The following PMS2 variants were observed in gnomAD, a reference collection of about 807,000 sequenced individuals.
PMS2 encodes the protein PMS1 homolog 2, mismatch repair system component.
Under a neutral mutation model 90.0 loss-of-function variants are expected in PMS2, and 69 were observed. The observed-to-expected ratio is 0.77, with a 90% CI of 0.63 to 0.94. PMS2 has a LOEUF of 0.94. Among genes scored for constraint, PMS2 ranks in the 40% least tolerant of loss-of-function variants. The pLI, the probability that PMS2 is intolerant of heterozygous loss-of-function variation, is 0.00. For synonymous variants in PMS2, 332 were observed against 375.1 expected, an observed-to-expected ratio of 0.89 and a Z score of 1.33; for missense variants, 966 against 1,040.2, an observed-to-expected ratio of 0.93 and a Z score of 0.98.
chr7:6,004,872 A>C (rs1289029501), intron 2 of PMS2, among the ~76,000 whole-genome samples: 1 of 152,144 alleles, frequency 6.6e-6, no homozygotes, highest in Non-Finnish European at 1.5e-5. Context: ...GTTATTCTGC[A>C]GATTAATAAT....
intron 2 of PMS2, 194 bp from the exon 3 acceptor site, chr7:6,004,252 T>C (rs1413212488): frequency 2.8e-5 from 14 of 493,198 alleles, no homozygotes; most frequent in Non-Finnish European, 5.1e-5. Context: ...CTAAATAGTT[T>C]AGCTTTTTCT....
At chr7:5,984,072 C>T (rs915549854) in intron 11 of PMS2, among the ~76,000 whole-genome samples, 6 of 151,894 alleles carry the variant, frequency 4.0e-5, no homozygotes, top group African/African-American at 9.7e-5. Context: ...GCACTCAAAG[C>T]TGCAACAAAT....
chr7:5,983,990 C>T lies in PMS2; in HGVS notation c.2007-999G>A, dbSNP rs139944923. 4.5e-3 allele frequency among the ~76,000 whole-genome samples: 689 copies of T among 151,928 alleles called. 39 individuals carry two copies. The highest frequency in any genetic ancestry group is 0.016 in the African/African-American group (661 of 41,216). On this transcript the variant is annotated intron_variant, in intron 11 of 14. Transcript: ENST00000265849. ...TTAATGGCCACATAGGAATTCATTG[C>T]ATGGATGTACCATAATTTGTCTGAC...
At position 5,977,717 on chromosome 7, in the gene PMS2, A is replaced by G. The variant is rs776971541; in HGVS notation, c.2316T>C (p.Thr772=). 1.2e-6 allele frequency: 2 copies of G among 1,606,616 alleles called. No individual in the cohort carries two copies. Among genetic ancestry groups the G allele is most frequent in the Admixed American group, 3.3e-5 (2 of 59,866 alleles). ...TERAKLISLP[T]SKNWTFGPQD... ...GGGGTCCGAAGGTCCAGTTTTTACT[A>G]GTTGGCAAGGAAATCAGTTTAGCCC... Residue 772 remains threonine, a synonymous_variant, in exon 14 of 15, where the codon ACT becomes ACC. Coordinates refer to ENST00000265849, the MANE Select transcript of PMS2 (RefSeq NM_000535.7).
rs587782898 is a variant in PMS2, at chr7:5,995,586, G to A, written c.851C>T (p.Ser284Leu). The A allele has an allele frequency of 1.5e-5, 25 of 1,613,986 alleles. No homozygotes were observed. The highest frequency in any genetic ancestry group is 2.1e-5 in the Non-Finnish European group (25 of 1,179,896). ...GATAAAGAAAAACTGTCTGTCTGTT[G>A]AACTCCTTCCAACTCCATGCGTGCA... is the stretch of plus-strand genomic sequence containing the variant. The part of the protein sequence containing the change: ...SQCTHGVGRS[S>L]TDRQFFFINR... Residue 284 changes from serine (S) to leucine (L), a missense_variant, in exon 8 of 15, where the codon TCA becomes TTA. By Grantham distance (145) the Ser-to-Leu change is moderately radical. Coordinates refer to ENST00000265849, the MANE Select transcript of PMS2 (RefSeq NM_000535.7).
intron 12 of PMS2, among the ~76,000 whole-genome samples, chr7:5,981,747 T>C (rs1482184006): frequency 6.6e-6 from 1 of 151,806 alleles, no homozygotes; most frequent in Non-Finnish European, 1.5e-5. Context: ...AGAGAACATG[T>C]TAACCACGTG....
Position 6,006,015 on chromosome 7 carries a change from C to A in PMS2, c.40G>T (p.Ala14Ser), listed in dbSNP as rs876661039. Reference protein sequence around the residue: ...AESSSTEPAKAIKPIDRKSVH... With the variant: ...AESSSTEPAKSIKPIDRKSVH... ...GACTTCCGATCAATAGGTTTGATGG[C>A]CTTAGCAGGTTCTGTACTAGAGAAA... The change falls in exon 2 of 15, where the codon GCC (alanine) becomes TCC (serine). Residue 14 changes from alanine (A) to serine (S), a missense_variant. Physicochemically the swap from Ala to Ser is moderately conservative, Grantham distance 99. Around this residue, in one of 2 missense-constraint regions of PMS2, gnomAD observed 871 missense variants for 802.4 expected, o/e 1.09. Transcript: ENST00000265849. 4.3e-6 allele frequency: 7 copies of A among 1,610,638 alleles called. No homozygotes were observed. Among genetic ancestry groups the A allele is most frequent in the Non-Finnish European group, 5.9e-6 (7 of 1,179,742 alleles).
rs1481591337 is a variant in PMS2 at position 5,979,511 on chromosome 7, C to T, written c.2175-815G>A. On this transcript the variant is annotated intron_variant, in intron 12 of 14. Coordinates refer to ENST00000265849, the MANE Select transcript of PMS2 (RefSeq NM_000535.7). ...TAAGGATAACAGTATCACAAAAATG[C>T]TATTTTTCCTCCTTCTAATACAGAA... Among the ~76,000 whole-genome samples, 3 of 150,014 alleles carry T rather than the reference C, an allele frequency of 2.0e-5. 1 individual carries two copies. The highest frequency in any genetic ancestry group is 3.9e-4 in the East Asian group (2 of 5,110).
intron 11 of PMS2, among the ~76,000 whole-genome samples, chr7:5,984,215 C>T (rs1412197211): frequency 4.6e-5 from 7 of 151,802 alleles, no homozygotes; most frequent in African/African-American, 1.7e-4. Flanking sequence ...GTAAGAGCAC[C>T]TTTCTGCCAA....
intron 11 of PMS2, among the ~76,000 whole-genome samples, chr7:5,986,167 A>C (rs1782837545): frequency 6.9e-6 from 1 of 145,324 alleles, no homozygotes; most frequent in Admixed American, 6.9e-5. Context: ...ATGTGTTTGG[A>C]GTCTGTGTCC....
rs587781317 is a variant in PMS2 at position 5,982,903 on chromosome 7, C to G, written c.2095G>C (p.Asp699His). 6.3e-7 allele frequency: 1 copy of G among 1,599,462 alleles called. No individual in the cohort carries two copies. Among genetic ancestry groups the G allele is most frequent in the Non-Finnish European group, 8.5e-7 (1 of 1,171,420 alleles). The stretch of plus-strand genomic sequence containing the variant: ...TACTTCTCGTCCGTGGCATGCTGGT[C>G]CACTATGAAGATATCCTCATTCAGT... ...TKLNEDIFIV[D>H]QHATDEKYNF... The change falls in exon 12 of 15, where the codon GAC (aspartate) becomes CAC (histidine). Residue 699 changes from aspartate (D) to histidine (H), a missense_variant. Around this residue, in one of 2 missense-constraint regions of PMS2, gnomAD observed 95 missense variants for 237.8 expected, o/e 0.40. Coordinates refer to ENST00000265849, the MANE Select transcript of PMS2 (RefSeq NM_000535.7).
At chr7:5,986,392 T>C (rs1782863293) in intron 11 of PMS2, among the ~76,000 whole-genome samples, 1 of 149,898 alleles carries the variant, frequency 6.7e-6, no homozygotes, top group South Asian at 2.3e-4. Context: ...AAAATACTCT[T>C]AAGAAAAAAC....
At chr7:5,992,091 T>C (rs771312358) in intron 8 of PMS2, 34 bp from the exon 9 acceptor site, 1 of 1,135,296 alleles carries the variant, frequency 8.8e-7, no homozygotes, top group Non-Finnish European at 1.3e-6. Context: ...AAAGAATAAA[T>C]GACAAATGTT....
intron 11 of PMS2, among the ~76,000 whole-genome samples, chr7:5,985,695 A>T (rs1013441800): frequency 3.3e-5 from 5 of 150,110 alleles, no homozygotes; most frequent in Non-Finnish European, 7.4e-5. Flanking sequence ...CTGGGATTAC[A>T]GGCATGCACC....
At chr7:6,008,654 G>C (rs1197130070) in intron 1 of PMS2, among the ~76,000 whole-genome samples, 7 of 152,154 alleles carry the variant, frequency 4.6e-5, no homozygotes, top group African/African-American at 1.7e-4. Context: ...AGGTAGAAAG[G>C]AAATGCATTC....
intron 11 of PMS2, among the ~76,000 whole-genome samples, chr7:5,985,960 G>A (rs1447695198): frequency 8.3e-6 from 1 of 120,150 alleles, no homozygotes; most frequent in Admixed American, 9.3e-5. Flanking sequence ...GCCAGAGTGA[G>A]TGATGACACA....
At chr7:6,002,186 T>A (rs1450839851) in intron 5 of PMS2, 1 of 381,188 alleles carries the variant, frequency 2.6e-6, no homozygotes, top group East Asian at 6.1e-5. Context: ...CATGTCACCA[T>A]GCCCAGTAAA....
intron 9 of PMS2, 78 bp downstream of exon 9, chr7:5,991,895 C>G (rs267608155): frequency 1.2e-6 from 1 of 807,864 alleles, no homozygotes; most frequent in African/African-American, 1.7e-5. Context: ...TCATTCCAGT[C>G]ATAGCAGAGC....
Position 5,992,566 on chromosome 7 carries a change from C to A in PMS2, c.904-509G>T, listed in dbSNP as rs182474067. ...AACTCCTGACCTCAGTTGATCCGCC[C>A]GCCTCAACCTCCCAAAGTGCTGGGA... On this transcript the variant is annotated intron_variant, in intron 8 of 14. Coordinates refer to ENST00000265849, the MANE Select transcript of PMS2 (RefSeq NM_000535.7). Among the ~76,000 whole-genome samples, 25 of 152,112 alleles carry A rather than the reference C, an allele frequency of 1.6e-4. No individual in the cohort carries two copies. In the East Asian group the frequency reaches 1.9e-3, roughly 12 times the overall value.
Sources: gnomAD v4.1 joint callset for allele counts (sites outside exome capture counted in the v4.1 genomes callset) on GRCh38, gnomAD v4.1.1 for gene constraint, gnomAD v4.1.1 regional missense constraint, MANE v1.5 for transcripts, NCBI Gene and HGNC (gene_info 2026-07-23, HGNC 2026-07-21) for gene names.